DNAH3: variants seen among roughly 807,000 people sequenced by gnomAD.
The protein encoded by DNAH3 is dynein axonemal heavy chain 3, also known as axonemal beta dynein heavy chain 3.
In DNAH3, 332 loss-of-function variants were observed where a neutral mutation model predicts 432.5. The observed-to-expected ratio is 0.77, with a 90% confidence interval of 0.70 to 0.84. DNAH3 has a LOEUF of 0.84. Ranked by LOEUF, DNAH3 falls within the 40% of genes least tolerant of loss-of-function variation. The pLI is 0.00. For synonymous variants in DNAH3, 1,956 were observed against 1,900.2 expected (o/e 1.03, Z -0.76); for missense variants, 4,861 against 5,114.0 (o/e 0.95, Z 1.51).
chr16:21,112,047 C>T (rs1490159559), exon 13 of DNAH3: 1 of 1,613,794 alleles, frequency 6.2e-7, no homozygotes, highest in Non-Finnish European at 8.5e-7. Context: ...CGATGTTTTG[C>T]TCTGCCGTGT....
chr16:21,088,938 A>C (rs1042707907), intron 18 of DNAH3, among the ~76,000 whole-genome samples: 6 of 152,294 alleles, frequency 3.9e-5, no homozygotes, highest in Non-Finnish European at 8.8e-5. Context: ...GCCTATTCTA[A>C]CTCCCCACTA....
At chr16:21,000,159 C>A in intron 43 of DNAH3, 65 bp downstream of exon 43, 1 of 1,542,424 alleles carries the variant, frequency 6.5e-7, no homozygotes. Flanking sequence ...CAAGCAGAAG[C>A]TATAGTTTGC....
chr16:20,964,045 G>C (rs766030626), exon 53 of DNAH3: 2 of 1,614,052 alleles, frequency 1.2e-6, no homozygotes, highest in South Asian at 1.1e-5. Context: ...TGTCATGGAA[G>C]CAACTTTCTG....
intron 18 of DNAH3, among the ~76,000 whole-genome samples, chr16:21,087,932 C>T (rs1441087263): frequency 2.6e-5 from 4 of 152,056 alleles, no homozygotes; most frequent in African/African-American, 7.2e-5. Flanking sequence ...AAAGTAACAC[C>T]TCATTGTTTA....
At chr16:20,972,170 C>T (rs1254500852) in intron 51 of DNAH3, among the ~76,000 whole-genome samples, 1 of 151,696 alleles carries the variant, frequency 6.6e-6, no homozygotes, top group African/African-American at 2.4e-5. Context: ...CCAGGTTGCC[C>T]GATGTTTTCC....
At chr16:21,066,380 T>A (rs1447687961) in intron 24 of DNAH3, among the ~76,000 whole-genome samples, 2 of 152,002 alleles carry the variant, frequency 1.3e-5, no homozygotes, top group East Asian at 1.9e-4. Flanking sequence ...CCTTTTTTTT[T>A]ATTTTGAGAC....
At chr16:21,020,545 G>T (rs2088153811) in intron 40 of DNAH3, among the ~76,000 whole-genome samples, 1 of 148,732 alleles carries the variant, frequency 6.7e-6, no homozygotes, top group Non-Finnish European at 1.5e-5. Context: ...TGGGATTACA[G>T]GCACCCGCCA....
chr16:21,128,303 A>C (rs954841315), intron 7 of DNAH3, among the ~76,000 whole-genome samples: 6 of 152,128 alleles, frequency 3.9e-5, no homozygotes, highest in Non-Finnish European at 7.4e-5. Flanking sequence ...GGATCCCAGC[A>C]CTTTGGAGGC....
chr16:21,126,946 G>C (rs1390524877), intron 8 of DNAH3, among the ~76,000 whole-genome samples: 1 of 151,886 alleles, frequency 6.6e-6, no homozygotes, highest in Non-Finnish European at 1.5e-5. Flanking sequence ...CAAGCTCAGG[G>C]CTCCCTCTGT....
chr16:20,941,544 C>G lies in DNAH3; in HGVS notation c.11512-1G>C, dbSNP rs977183236. ...CTTGTGCCAACTCCTCAACCACTTC[C>G]TTAAAATGCAGGCAGAAGAGAGGTG... On this transcript the variant is annotated splice_acceptor_variant, in intron 58 of 61. Transcript: ENST00000261383. LOFTEE classifies it high-confidence loss of function. 3.1e-6 allele frequency: 5 copies of G among 1,613,910 alleles called. No homozygotes were observed. The African/African-American group carries it at 6.7e-5, about 22-fold the overall frequency.
intron 27 of DNAH3, among the ~76,000 whole-genome samples, chr16:21,056,472 T>C: frequency 6.8e-6 from 1 of 146,166 alleles, no homozygotes. Context: ...ACTGGATGTC[T>C]GTTCTTTCCT....
In DNAH3 at chr16:20,997,849, A is replaced by AAG. The variant is rs1431847477; in HGVS notation, c.6422-388_6422-387insCT. 2.6e-4 allele frequency among the ~76,000 whole-genome samples: 39 copies of AAG among 151,604 alleles called. No homozygotes were observed. The South Asian group carries it at 2.9e-3, about 11-fold the overall frequency. ...CCCTGTCTCCATAAAAAAAAAAAAA[A>AAG]AAAAAAAAAATTAGTCAGGCATGGT... is the stretch of plus-strand genomic sequence containing the variant. On this transcript the variant is annotated intron_variant, in intron 43 of 61. Coordinates refer to ENST00000261383, the Ensembl canonical transcript of DNAH3.
intron 31 of DNAH3, 150 bp downstream of exon 31, chr16:21,049,419 C>A (rs2089859198): frequency 1.6e-6 from 1 of 608,238 alleles, no homozygotes; most frequent in South Asian, 2.1e-5. Flanking sequence ...CCTTGAGAGT[C>A]CTTTTGTTTA....
Position 20,935,380 on chromosome 16 carries a change from T to C in DNAH3, c.11965A>G (p.Ile3989Val), listed in dbSNP as rs2083549745. The C allele has an allele frequency of 6.2e-7, 1 of 1,613,818 alleles. No individual in the cohort carries two copies. The highest frequency in any genetic ancestry group is 2.2e-5 in the East Asian group (1 of 44,872). The change falls in exon 61 of 62, where the codon ATC (isoleucine) becomes GTC (valine). Residue 3989 changes from isoleucine to valine, a missense_variant. Physicochemically the swap from Ile to Val is conservative, Grantham distance 29 (BLOSUM62 3). Transcript: ENST00000261383. ...TCAAATCCAATGTGGTCAATGGGGA[T>C]GGTATATTTCCGGGCATAATTTTGA...
At chr16:21,014,865 G>A (rs2087783008) in intron 41 of DNAH3, among the ~76,000 whole-genome samples, 1 of 151,974 alleles carries the variant, frequency 6.6e-6, no homozygotes, top group South Asian at 2.1e-4. Flanking sequence ...AACTACTTAG[G>A]TATAAATTTA....
At chr16:21,013,175 T>C (rs2087689693) in intron 41 of DNAH3, among the ~76,000 whole-genome samples, 1 of 152,006 alleles carries the variant, frequency 6.6e-6, no homozygotes, top group Admixed American at 6.6e-5. Context: ...GCAGAAATCA[T>C]GAAATTGACA....
chr16:21,136,299 C>T (rs1312755544), intron 6 of DNAH3, 25 bp downstream of exon 7: 4 of 1,609,084 alleles, frequency 2.5e-6, no homozygotes, highest in Non-Finnish European at 3.4e-6. Context: ...AGCTCCCCAG[C>T]CCCCTTTATG....
chr16:21,083,026 T>C (rs1460066870), intron 19 of DNAH3, among the ~76,000 whole-genome samples: 2 of 151,004 alleles, frequency 1.3e-5, no homozygotes, highest in Non-Finnish European at 2.9e-5. Flanking sequence ...TCCATACTTT[T>C]TTTTTTTTGA....
chr16:21,115,298 G>A (rs1428940005), intron 12 of DNAH3, among the ~76,000 whole-genome samples: 1 of 151,240 alleles, frequency 6.6e-6, no homozygotes, highest in African/African-American at 2.4e-5. Context: ...TGTAAATGAC[G>A]AGTTAATGGG....
Sources: allele counts gnomAD v4.1 joint callset (sites outside exome capture counted in the v4.1 genomes callset), GRCh38; gene constraint gnomAD v4.1.1; transcripts MANE v1.5; gene names NCBI Gene and HGNC (gene_info 2026-07-23, HGNC 2026-07-21).